Variants in SH3RF3 observed in about 807,000 individuals in gnomAD.
The protein encoded by SH3RF3 is E3 ubiquitin-protein ligase SH3RF3.
In SH3RF3, 29 loss-of-function variants were observed where a neutral mutation model predicts 66.3. The ratio of observed to expected loss-of-function variants is 0.44; its 90% confidence interval spans 0.33 to 0.60. The LOEUF is 0.60. Ranked by LOEUF, SH3RF3 falls within the 20% of genes least tolerant of loss-of-function variation. The pLI is 0.04. For synonymous variants in SH3RF3, 583 were observed against 532.0 expected (o/e 1.10, Z -1.32); for missense variants, 1,194 against 1,190.9 (o/e 1.00, Z -0.04).
At chr2:109,258,002 A>C (rs981842603) in intron 1 of SH3RF3, among the ~76,000 whole-genome samples, 34 of 118,676 alleles carry the variant, frequency 2.9e-4, no homozygotes, top group African/African-American at 1.1e-3. Flanking sequence ...ATGTGCACAC[A>C]CATACCCACA....
chr2:109,421,530 C>A (rs1676878388), intron 5 of SH3RF3, among the ~76,000 whole-genome samples: 1 of 152,206 alleles, frequency 6.6e-6, no homozygotes, highest in South Asian at 2.1e-4. Context: ...ATGGACAAAC[C>A]TCCATGTCCT....
chr2:109,156,421 G>A (rs1374928915), intron 1 of SH3RF3, among the ~76,000 whole-genome samples: 2 of 152,132 alleles, frequency 1.3e-5, no homozygotes, highest in Non-Finnish European at 2.9e-5. Context: ...ATTCAGGGGA[G>A]AGGATACACT....
chr2:109,354,723 G>A (rs1296767748), intron 2 of SH3RF3, among the ~76,000 whole-genome samples: 4 of 152,252 alleles, frequency 2.6e-5, no homozygotes, highest in South Asian at 2.1e-4. Flanking sequence ...GAAGGCGAGC[G>A]TCGGCACCCT....
At chr2:109,241,031 G>A (rs1005659682) in intron 1 of SH3RF3, among the ~76,000 whole-genome samples, 1 of 152,144 alleles carries the variant, frequency 6.6e-6, no homozygotes. Context: ...ACTCTATAGA[G>A]CATCAGAAGA....
In SH3RF3 at chr2:109,503,476, CAAA is replaced by C. The variant is rs1679449572; in HGVS notation, c.*1806_*1808del. The C allele has an allele frequency of 1.3e-5, 2 of 152,108 alleles. No homozygotes were observed. Among genetic ancestry groups the C allele is most frequent in the Non-Finnish European group, 2.9e-5 (2 of 68,014 alleles). 9.4% of individuals were successfully genotyped at this position (152,108 alleles called of 1,614,324 possible). A position where few individuals can be genotyped will look rare whatever the true frequency, so the allele number is the denominator to read the frequency against. On this transcript the variant is annotated 3_prime_UTR_variant, in exon 10 of 10. Transcript: ENST00000309415. Reference sequence around the variant, plus strand: ...AAGATGATAATAGATTTAATAGACTCAAAGAAGTTGTTCAGAATCAAAGAAGAA... The same window carrying C: ...AAGATGATAATAGATTTAATAGACTCGAAGTTGTTCAGAATCAAAGAAGAA...
At chr2:109,229,864 G>A (rs568782251) in intron 1 of SH3RF3, among the ~76,000 whole-genome samples, 13 of 137,378 alleles carry the variant, frequency 9.5e-5, no homozygotes, top group South Asian at 6.9e-4. Flanking sequence ...TCGCTCTGTT[G>A]CCCAGGCTGG....
At chr2:109,201,885 A>G (rs1031586461) in intron 1 of SH3RF3, among the ~76,000 whole-genome samples, 1 of 152,198 alleles carries the variant, frequency 6.6e-6, no homozygotes, top group Non-Finnish European at 1.5e-5. Context: ...TAAGCCTCCT[A>G]CCAATGAGTC....
chr2:109,252,321 C>A (rs1360975393), intron 1 of SH3RF3, among the ~76,000 whole-genome samples: 1 of 151,828 alleles, frequency 6.6e-6, no homozygotes, highest in Non-Finnish European at 1.5e-5. Context: ...AGAAAGTTTA[C>A]ATTGTTCAAC....
intron 1 of SH3RF3, chr2:109,141,513 CCA>C (rs1676948916): frequency 1.3e-5 from 2 of 154,954 alleles, no homozygotes; most frequent in Middle Eastern, 5.2e-4. Context: ...AGAGCTGAGC[CCA>C]CAGCTGCAGA....
At chr2:109,184,539 GA>G (rs1313132667) in intron 1 of SH3RF3, among the ~76,000 whole-genome samples, 2 of 152,166 alleles carry the variant, frequency 1.3e-5, no homozygotes, top group Admixed American at 1.3e-4. Flanking sequence ...CTGGGAGGCT[GA>G]GCTGTTGCTT....
intron 1 of SH3RF3, among the ~76,000 whole-genome samples, chr2:109,136,642 AG>A (rs1676821051): frequency 6.6e-6 from 1 of 152,218 alleles, no homozygotes; most frequent in Non-Finnish European, 1.5e-5. Flanking sequence ...AGGAGGCCCA[AG>A]AAGAGTCACT....
intron 1 of SH3RF3, among the ~76,000 whole-genome samples, chr2:109,328,786 A>C (rs188506113): frequency 6.6e-6 from 1 of 152,128 alleles, no homozygotes; most frequent in African/African-American, 2.4e-5. Flanking sequence ...GTTCATGACC[A>C]CTTTGGTGGC....
chr2:109,499,296 A>G (rs899278451), intron 9 of SH3RF3, among the ~76,000 whole-genome samples: 2 of 151,714 alleles, frequency 1.3e-5, no homozygotes, highest in Admixed American at 1.3e-4. Context: ...TGCCAGGCCC[A>G]TCTCGGTGCT....
chr2:109,321,867 C>T (rs577636288), intron 1 of SH3RF3, among the ~76,000 whole-genome samples: 5 of 152,290 alleles, frequency 3.3e-5, no homozygotes, highest in East Asian at 1.9e-4. Context: ...CCAGTGGATT[C>T]CCACTGCTTA....
At chr2:109,488,043 C>T (rs541368512) in intron 8 of SH3RF3, among the ~76,000 whole-genome samples, 22 of 152,312 alleles carry the variant, frequency 1.4e-4, no homozygotes, top group African/African-American at 3.4e-4. Flanking sequence ...CTTTGGACAA[C>T]GCAAGGCCAC....
At chr2:109,247,607 G>A (rs981457249) in intron 1 of SH3RF3, among the ~76,000 whole-genome samples, 1 of 152,200 alleles carries the variant, frequency 6.6e-6, no homozygotes, top group Non-Finnish European at 1.5e-5. Context: ...TGTAAACAAA[G>A]GTGTGAGTGT....
At chr2:109,338,252 A>ATACT (rs1350999706) in intron 1 of SH3RF3, among the ~76,000 whole-genome samples, 15 of 152,238 alleles carry the variant, frequency 9.9e-5, no homozygotes, top group African/African-American at 3.6e-4. Context: ...TGTGAGACAG[A>ATACT]TACTTAGCAC....
intron 1 of SH3RF3, among the ~76,000 whole-genome samples, chr2:109,204,807 T>C (rs929758650): frequency 6.6e-6 from 1 of 152,236 alleles, no homozygotes; most frequent in East Asian, 1.9e-4. Flanking sequence ...GATGGTGCCA[T>C]TGAACTTGTT....
At position 109,371,739 on chromosome 2, in the gene SH3RF3, CA is replaced by C. The variant is rs1683277394; in HGVS notation, c.945+59del. On this transcript the variant is annotated intron_variant, in intron 3 of 9. Transcript: ENST00000309415. ...CTTCTTGCCCACCCTTGTTTCACTA[CA>C]GTGGGGTCACCTGACCTTCAAGCCC... The C allele has an allele frequency of 4.8e-6, 7 of 1,461,592 alleles. No individual in the cohort carries two copies. The African/African-American group carries it at 9.7e-5, about 20-fold the overall frequency. 90.5% of individuals were successfully genotyped at this position (1,461,592 alleles called of 1,614,324 possible).
Sources: gnomAD v4.1 joint callset for allele counts (sites outside exome capture counted in the v4.1 genomes callset) on GRCh38, gnomAD v4.1.1 for gene constraint, MANE v1.5 for transcripts, NCBI Gene and HGNC (gene_info 2026-07-23, HGNC 2026-07-21) for gene names.